The following KIAA1549L variants were observed in gnomAD, a reference collection of about 807,000 sequenced individuals.
The protein encoded by KIAA1549L is KIAA1549 like.
A neutral mutation model predicts 160.7 loss-of-function variants in KIAA1549L; 88 were observed. The observed-to-expected ratio is 0.55, with a 90% CI of 0.46 to 0.65. The LOEUF is 0.65. Among genes scored for constraint, KIAA1549L ranks in the 30% least tolerant of loss-of-function variants. The pLI, the probability that KIAA1549L is intolerant of heterozygous loss-of-function variation, is 0.00. For synonymous variants in KIAA1549L, 950 were observed against 976.7 expected (o/e 0.97, Z 0.51); for missense variants, 2,258 against 2,437.5 (o/e 0.93, Z 1.55).
Position 33,551,216 on chromosome 11 carries a change from C to T in KIAA1549L, c.3678C>T (p.Ser1226=). The T allele has an allele frequency of 6.2e-7, 1 of 1,613,710 alleles. No homozygotes were observed. The highest frequency in any genetic ancestry group is 1.1e-5 in the South Asian group (1 of 91,062). ...PHLQSVAVLA[S]PWNPQPAGYF... ...TACAGTCTGTGGCAGTACTTGCCTC[C>T]CCATGGAATCCCCAGCCTGCAGGCT... The change falls in exon 5 of 21, where the codon TCC becomes TCT. Residue 1226 remains serine (S), a synonymous_variant. Coordinates refer to ENST00000658780, the MANE Select transcript of KIAA1549L (RefSeq NM_012194.3).
At chr11:33,473,787 G>A (rs957208927) in intron 1 of KIAA1549L, among the ~76,000 whole-genome samples, 1 of 151,834 alleles carries the variant, frequency 6.6e-6, no homozygotes. Flanking sequence ...TTCTCCACTG[G>A]TCAAATCCTA....
At chr11:33,614,580 A>ATT (rs1850756210) in intron 15 of KIAA1549L, among the ~76,000 whole-genome samples, 1 of 7,694 alleles carries the variant, frequency 1.3e-4, no homozygotes, top group Non-Finnish European at 1.9e-4. Context: ...ATATATATAT[A>ATT]TATATTTTTT....
intron 6 of KIAA1549L, among the ~76,000 whole-genome samples, chr11:33,553,927 A>G (rs9667834): frequency 0.024 from 3,668 of 152,330 alleles, 152 homozygotes; most frequent in African/African-American, 0.083. Context: ...CTTGGAAAAG[A>G]TGATAGGAGG....
At position 33,400,562 on chromosome 11, in the gene KIAA1549L, TC is replaced by T. The variant is rs1161308177; in HGVS notation, c.238+23674del. On this transcript the variant is annotated intron_variant, in intron 1 of 20. Transcript: ENST00000658780. Reference sequence around the variant, plus strand: ...TTTTACCAGAGCAGGTCTTAGAGAATCATGTACCAGCAACAGAATCTTTTAA... The same window carrying T: ...TTTTACCAGAGCAGGTCTTAGAGAATATGTACCAGCAACAGAATCTTTTAA... 6.6e-5 allele frequency among the ~76,000 whole-genome samples: 10 copies of T among 152,338 alleles called. No individual in the cohort carries two copies. In the East Asian group the frequency reaches 1.9e-3, roughly 29 times the overall value.
intron 3 of KIAA1549L, among the ~76,000 whole-genome samples, chr11:33,546,429 C>A (rs1029970925): frequency 2.6e-5 from 4 of 151,906 alleles, no homozygotes; most frequent in African/African-American, 4.8e-5. Context: ...TCTTCCCAGC[C>A]CCCCCACCAA....
At chr11:33,447,039 A>G (rs1443925177) in intron 1 of KIAA1549L, among the ~76,000 whole-genome samples, 1 of 152,234 alleles carries the variant, frequency 6.6e-6, no homozygotes, top group Non-Finnish European at 1.5e-5. Context: ...TCGTACAAAA[A>G]GTGCCATGAT....
At position 33,668,042 on chromosome 11, in the gene KIAA1549L, C is replaced by T. The variant is rs368885129; in HGVS notation, c.6329C>T (p.Pro2110Leu). 13 of 1,613,912 alleles carry T rather than the reference C, an allele frequency of 8.1e-6. No individual in the cohort carries two copies. The highest frequency in any genetic ancestry group is 1.6e-4 in the Middle Eastern group (1 of 6,084). The change falls in exon 21 of 21, where the codon CCG (proline) becomes CTG (leucine). Residue 2110 changes from proline (P) to leucine (L), a missense_variant. Pro to Leu is a moderately conservative substitution (Grantham distance 98, BLOSUM62 -3). Around this residue, in one of 6 missense-constraint regions of KIAA1549L, gnomAD observed 1,359 missense variants for 1,546.6 expected, o/e 0.88. Transcript: ENST00000658780. ...CAGCAGAGCCTGGCAGAAAACGACCCGTCTGACGCTCCCCTGACCAACATC... is the reference window on the plus strand; with the variant it reads ...CAGCAGAGCCTGGCAGAAAACGACCTGTCTGACGCTCCCCTGACCAACATC... ...ASQQSLAEND[P>L]SDAPLTNIST...
chr11:33,443,300 C>T (rs1006741499), intron 1 of KIAA1549L, among the ~76,000 whole-genome samples: 2 of 152,024 alleles, frequency 1.3e-5, no homozygotes, highest in African/African-American at 2.4e-5. Flanking sequence ...ATGCTTGGCC[C>T]ATTTGCTCTT....
At chr11:33,501,410 A>G (rs931201659) in intron 1 of KIAA1549L, among the ~76,000 whole-genome samples, 1 of 152,234 alleles carries the variant, frequency 6.6e-6, no homozygotes, top group East Asian at 1.9e-4. Flanking sequence ...AGAAATGGAA[A>G]TAATTTGGAT....
Position 33,527,515 on chromosome 11 carries a change from G to C in KIAA1549L, c.239-14287G>C, listed in dbSNP as rs535157024. 8.5e-5 allele frequency among the ~76,000 whole-genome samples: 13 copies of C among 152,234 alleles called. 2 individuals are homozygous for C. The South Asian group carries it at 2.5e-3, about 29-fold the overall frequency. On this transcript the variant is annotated intron_variant, in intron 1 of 20. Coordinates refer to ENST00000658780, the MANE Select transcript of KIAA1549L (RefSeq NM_012194.3). Reference sequence around the variant, plus strand: ...AGATAACATTGGAAAAACTCTTCTAGACATTGACTTAGGCAAAGAGTTTAT... The same window carrying C: ...AGATAACATTGGAAAAACTCTTCTACACATTGACTTAGGCAAAGAGTTTAT...
At chr11:33,420,001 G>A (rs2476459) in intron 1 of KIAA1549L, among the ~76,000 whole-genome samples, 3,648 of 151,996 alleles carry the variant, frequency 0.024, 149 homozygotes, top group African/African-American at 0.084. Flanking sequence ...CAGTGGCACT[G>A]GCCTAATAAG....
intron 1 of KIAA1549L, among the ~76,000 whole-genome samples, chr11:33,507,460 CAA>C (rs1451072057): frequency 1.3e-5 from 2 of 152,094 alleles, no homozygotes; most frequent in Non-Finnish European, 2.9e-5. Flanking sequence ...ATCTTTCTGG[CAA>C]AGAGTTTCCT....
In KIAA1549L at chr11:33,422,625, G is replaced by A. The variant is rs558877506; in HGVS notation, c.238+45736G>A. ...CCTTCTTCCTTTCTTCTTAGAGATT[G>A]TGTTTTTTCTTTTAAAAATGAGATG... On this transcript the variant is annotated intron_variant, in intron 1 of 20. Coordinates refer to ENST00000658780, the MANE Select transcript of KIAA1549L (RefSeq NM_012194.3). Among the ~76,000 whole-genome samples the A allele has an allele frequency of 6.8e-5, 10 of 146,292 alleles. No homozygotes were observed. The South Asian group carries it at 2.2e-3, about 32-fold the overall frequency.
At chr11:33,526,648 C>T (rs922588474) in intron 1 of KIAA1549L, among the ~76,000 whole-genome samples, 1 of 152,146 alleles carries the variant, frequency 6.6e-6, no homozygotes, top group Non-Finnish European at 1.5e-5. Context: ...AAGGAATCAC[C>T]CCATGGGACG....
In KIAA1549L at chr11:33,606,811, C is replaced by T. The variant is rs1256474365; in HGVS notation, c.5050C>T (p.Leu1684Phe). The T allele has an allele frequency of 6.2e-7, 1 of 1,605,858 alleles. No homozygotes were observed. The change falls in exon 14 of 21, where the codon CTC becomes TTC. Residue 1684 changes from leucine (L) to phenylalanine (F), a missense_variant. Transcript: ENST00000658780. Reference sequence around the variant, plus strand: ...CAGGAGCCAGGAGTCATCGGCAGTCCTCAACGGCGAGGTAAGTGCCTGGAG... The same window carrying T: ...CAGGAGCCAGGAGTCATCGGCAGTCTTCAACGGCGAGGTAAGTGCCTGGAG... ...SDRSQESSAVLNGEVNKALKQ... is the reference protein window; with the variant it reads ...SDRSQESSAVFNGEVNKALKQ...
intron 1 of KIAA1549L, among the ~76,000 whole-genome samples, chr11:33,393,050 T>C (rs940275308): frequency 1.1e-4 from 17 of 152,360 alleles, no homozygotes; most frequent in African/African-American, 3.6e-4. Context: ...TTATAAAATA[T>C]AAATCGGCCC....
chr11:33,526,202 C>T (rs1021368194), intron 1 of KIAA1549L, among the ~76,000 whole-genome samples: 2 of 152,194 alleles, frequency 1.3e-5, no homozygotes, highest in Middle Eastern at 3.2e-3. Context: ...CACCTCCTGT[C>T]TGGAGGCCAA....
chr11:33,506,943 G>T (rs984655621), intron 1 of KIAA1549L, among the ~76,000 whole-genome samples: 1 of 152,142 alleles, frequency 6.6e-6, no homozygotes, highest in Non-Finnish European at 1.5e-5. Flanking sequence ...GCCAAGGAGG[G>T]CATGGTGCTT....
intron 7 of KIAA1549L, 122 bp from the exon 8 acceptor site, chr11:33,561,554 C>G (rs1439180913): frequency 2.6e-6 from 2 of 763,878 alleles, no homozygotes; most frequent in African/African-American, 3.5e-5. Flanking sequence ...ACCACTTGAG[C>G]CCAGGAGTTC....
Sources: allele counts gnomAD v4.1 joint callset (sites outside exome capture counted in the v4.1 genomes callset), GRCh38; gene constraint gnomAD v4.1.1; regional missense constraint gnomAD v4.1.1; transcripts MANE v1.5; gene names NCBI Gene and HGNC (gene_info 2026-07-23, HGNC 2026-07-21).